CACHD1: variants seen among roughly 807,000 people sequenced by gnomAD.
CACHD1 encodes the protein VWFA and cache domain-containing protein 1.
Under a neutral mutation model 138.7 loss-of-function variants are expected in CACHD1, and 71 were observed. The observed-to-expected ratio is 0.51, with a 90% CI of 0.42 to 0.62. CACHD1 has a LOEUF of 0.62. Ranked by LOEUF, CACHD1 falls within the 20% of genes least tolerant of loss-of-function variation. The pLI, the probability that CACHD1 is intolerant of heterozygous loss-of-function variation, is 0.00. For missense variants in CACHD1, 1,389 were observed against 1,625.3 expected (o/e 0.85, Z 2.50); for synonymous variants, 578 against 591.5 (o/e 0.98, Z 0.33).
chr1:64,673,196 AC>A lies in CACHD1; in HGVS notation c.2552del (p.Pro851ArgfsTer24). 11 of 1,613,736 alleles carry A rather than the reference AC, an allele frequency of 6.8e-6. No individual in the cohort carries two copies. Among genetic ancestry groups the A allele is most frequent in the Non-Finnish European group, 9.3e-6 (11 of 1,179,982 alleles). ...GAGGACAGGGGTTATCTGGTGGCGC[AC>A]CCGACTCTCATCGACCCCAAAGGAC... ...IMEDRGYLVA[H>X]PTLIDPKGHA... is the part of the protein sequence containing the mutation. On this transcript the variant is annotated frameshift_variant, in exon 18 of 27. Coordinates refer to ENST00000651257, the MANE Select transcript of CACHD1 (RefSeq NM_020925.4). LOFTEE classifies it high-confidence loss of function.
At chr1:64,538,906 A>G (rs1646655328) in intron 1 of CACHD1, among the ~76,000 whole-genome samples, 1 of 152,196 alleles carries the variant, frequency 6.6e-6, no homozygotes, top group Admixed American at 6.5e-5. Flanking sequence ...GTTGTTTTCC[A>G]TTAAGTTATT....
chr1:64,643,866 T>G (rs1440136500), intron 8 of CACHD1, among the ~76,000 whole-genome samples: 1 of 152,146 alleles, frequency 6.6e-6, no homozygotes, highest in African/African-American at 2.4e-5. Flanking sequence ...CATAAGGAGT[T>G]TATGAAAGCT....
intron 7 of CACHD1, among the ~76,000 whole-genome samples, chr1:64,639,006 C>T (rs991166737): frequency 2.0e-5 from 3 of 152,154 alleles, no homozygotes; most frequent in Admixed American, 6.5e-5. Context: ...TGCTTGGCTA[C>T]CAAAGCAGCT....
At chr1:64,584,188 C>A (rs187882384) in intron 3 of CACHD1, among the ~76,000 whole-genome samples, 1 of 152,022 alleles carries the variant, frequency 6.6e-6, no homozygotes, top group South Asian at 2.1e-4. Flanking sequence ...AATGTCTGGA[C>A]GCATTTTCAG....
At position 64,540,980 on chromosome 1, in the gene CACHD1, G is replaced by GT. The variant is rs1646672677; in HGVS notation, c.199-9613dup. Among the ~76,000 whole-genome samples, 14 of 143,572 alleles carry GT rather than the reference G, an allele frequency of 9.8e-5. No homozygotes were observed. The South Asian group carries it at 3.1e-3, about 31-fold the overall frequency. 94.2% of individuals were successfully genotyped at this position (143,572 alleles called of 152,430 possible). On this transcript the variant is annotated intron_variant, in intron 1 of 26. Coordinates refer to ENST00000651257, the MANE Select transcript of CACHD1 (RefSeq NM_020925.4). The stretch of plus-strand genomic sequence containing the variant: ...ACTTGAAGTATCCAAGTGGCTGTGA[G>GT]TGTGTGTGTGTGTGTGTGCACGCCC...
chr1:64,604,487 T>G (rs558324313), intron 4 of CACHD1, among the ~76,000 whole-genome samples: 2 of 152,242 alleles, frequency 1.3e-5, no homozygotes, highest in Non-Finnish European at 2.9e-5. Flanking sequence ...CAAATTCAGT[T>G]TTTTCCCTAA....
intron 4 of CACHD1, among the ~76,000 whole-genome samples, chr1:64,614,108 A>G (rs558003725): frequency 3.1e-4 from 47 of 152,346 alleles, no homozygotes; most frequent in Non-Finnish European, 6.2e-4. Context: ...ACCTAATACG[A>G]GTCATTGTCC....
In CACHD1 at chr1:64,470,347, G is replaced by T. The variant is rs1223281162; in HGVS notation, c.-398G>T. On this transcript the variant is annotated 5_prime_UTR_variant, in exon 1 of 27. Coordinates refer to ENST00000651257, the MANE Select transcript of CACHD1 (RefSeq NM_020925.4). The surrounding 1 kb of genome is among the most constrained non-coding windows in gnomAD (Gnocchi z 5.2). The stretch of plus-strand genomic sequence containing the variant: ...CCGCCTGCTCGCTGCGCTGGGACTC[G>T]CAGGAAGCGAGAGCCGCGCGGCTCG... Among the ~76,000 whole-genome samples, 1 of 151,824 alleles carries T rather than the reference G, an allele frequency of 6.6e-6. No individual in the cohort carries two copies. Among genetic ancestry groups the T allele is most frequent in the African/African-American group, 2.4e-5 (1 of 41,398 alleles).
intron 4 of CACHD1, among the ~76,000 whole-genome samples, chr1:64,621,076 A>C (rs186997412): frequency 1.4e-3 from 219 of 152,268 alleles, no homozygotes; most frequent in Non-Finnish European, 2.3e-3. Context: ...CTTTAGAGTA[A>C]AAGATTTTAT....
chr1:64,622,936 C>G (rs1233986799), intron 4 of CACHD1, among the ~76,000 whole-genome samples: 1 of 152,138 alleles, frequency 6.6e-6, no homozygotes, highest in African/African-American at 2.4e-5. Flanking sequence ...CCCATGAAAT[C>G]ACACAAGCAG....
intron 1 of CACHD1, among the ~76,000 whole-genome samples, chr1:64,478,057 T>A (rs1646186284): frequency 6.6e-6 from 1 of 152,252 alleles, no homozygotes; most frequent in African/African-American, 2.4e-5. Context: ...ATTGGTACAC[T>A]AGTATATAAA....
chr1:64,470,706 G>T lies in CACHD1; in HGVS notation c.-39G>T. The T allele has an allele frequency of 2.0e-6, 1 of 491,084 alleles. No homozygotes were observed. Among genetic ancestry groups the T allele is most frequent in the South Asian group, 3.7e-5 (1 of 26,920 alleles). 30.4% of individuals were successfully genotyped at this position (491,084 alleles called of 1,614,324 possible). On this transcript the variant is annotated 5_prime_UTR_variant, in exon 1 of 27. Coordinates refer to ENST00000651257, the MANE Select transcript of CACHD1 (RefSeq NM_020925.4). This position sits in a 1 kb window ranked among gnomAD's most constrained non-coding sequence, Gnocchi z 5.2. ...GGCACCTCCCGCGGCCCGCTTCCCC[G>T]CGCCCGGAGCCCGTCGGCGGGGAGT...
chr1:64,491,034 T>C (rs1646271942), intron 1 of CACHD1, among the ~76,000 whole-genome samples: 1 of 150,870 alleles, frequency 6.6e-6, no homozygotes, highest in East Asian at 1.9e-4. Flanking sequence ...AAAAAGTAAA[T>C]AAATAATTGA....
chr1:64,652,995 A>C (rs201290611), intron 10 of CACHD1, among the ~76,000 whole-genome samples: 1 of 152,168 alleles, frequency 6.6e-6, no homozygotes, highest in East Asian at 1.9e-4. Context: ...AATCACCCTA[A>C]ATGCCCCTCA....
chr1:64,568,826 G>A (rs899826584), intron 2 of CACHD1, among the ~76,000 whole-genome samples: 11 of 152,066 alleles, frequency 7.2e-5, no homozygotes, highest in African/African-American at 2.7e-4. Flanking sequence ...TATTAACCAT[G>A]TACACACAAA....
intron 2 of CACHD1, among the ~76,000 whole-genome samples, chr1:64,574,735 C>T (rs576878314): frequency 6.6e-6 from 1 of 152,296 alleles, no homozygotes; most frequent in Middle Eastern, 3.4e-3. Flanking sequence ...AGTTCTCAAG[C>T]AACATCACAA....
In CACHD1 at chr1:64,572,680, T is replaced by C. The variant is rs188803117; in HGVS notation, c.262-9476T>C. Among the ~76,000 whole-genome samples the C allele has an allele frequency of 1.7e-4, 26 of 152,290 alleles. No homozygotes were observed. The East Asian group carries it at 4.4e-3, about 26-fold the overall frequency. ...CCCCTGTTCTCTGGCATGTCAGCAC[T>C]TGCCTCCTGTTTTTTCCATTGTACT... On this transcript the variant is annotated intron_variant, in intron 2 of 26. Transcript: ENST00000651257.
intron 1 of CACHD1, among the ~76,000 whole-genome samples, chr1:64,537,648 G>A (rs1165120316): frequency 6.6e-6 from 1 of 152,148 alleles, no homozygotes; most frequent in East Asian, 1.9e-4. Flanking sequence ...TGATTTGGAG[G>A]AGTTCCTATC....
At chr1:64,642,104 T>C in intron 8 of CACHD1, 135 bp downstream of exon 8, 3 of 661,570 alleles carry the variant, frequency 4.5e-6, no homozygotes, top group South Asian at 5.9e-5. Context: ...CGGCTCTTTC[T>C]CTACCTGATG....
Sources: allele counts gnomAD v4.1 joint callset (sites outside exome capture counted in the v4.1 genomes callset), GRCh38; gene constraint gnomAD v4.1.1; non-coding constraint Gnocchi (gnomAD v3.1); transcripts MANE v1.5; gene names NCBI Gene and HGNC (gene_info 2026-07-23, HGNC 2026-07-21).